Variants in CDC20B observed in about 807,000 individuals in gnomAD.
The protein encoded by CDC20B is cell division cycle protein 20 homolog B.
A neutral mutation model predicts 64.1 loss-of-function variants in CDC20B; 58 were observed. The ratio of observed to expected loss-of-function variants is 0.90; its 90% confidence interval spans 0.73 to 1.13. CDC20B has a LOEUF of 1.13. Among genes scored for constraint, CDC20B ranks in the 50% most tolerant of loss-of-function variants. The pLI, the probability that CDC20B is intolerant of heterozygous loss-of-function variation, is 0.00. For missense variants in CDC20B, 597 were observed against 633.0 expected (o/e 0.94, Z 0.61); for synonymous variants, 243 against 230.6 (o/e 1.05, Z -0.49).
intron 10 of CDC20B, 110 bp downstream of exon 10, chr5:55,120,315 T>C (rs1236735403): frequency 1.1e-5 from 14 of 1,238,088 alleles, no homozygotes; most frequent in Non-Finnish European, 1.5e-5. Context: ...AAATTCCTTA[T>C]GGACTCAATA....
At chr5:55,170,264 G>T (rs1453504708) in intron 2 of CDC20B, among the ~76,000 whole-genome samples, 1 of 152,096 alleles carries the variant, frequency 6.6e-6, no homozygotes, top group African/African-American at 2.4e-5. Context: ...CTTAAACACT[G>T]TCTACTCCGA....
chr5:55,119,715 A>C, intron 11 of CDC20B, 86 bp downstream of exon 11: 2 of 829,790 alleles, frequency 2.4e-6, no homozygotes, highest in Non-Finnish European at 4.0e-6. Context: ...AACCAGAAGG[A>C]TAAAATCTTT....
intron 2 of CDC20B, chr5:55,165,873 A>C (rs1744356267): frequency 6.6e-6 from 1 of 152,248 alleles, no homozygotes; most frequent in Non-Finnish European, 1.5e-5. Flanking sequence ...TCTAAAAGTC[A>C]ATTAACACAC....
rs539721842 is a variant in CDC20B, at chr5:55,172,653, T to C, written c.64-3A>G. 2 of 1,607,808 alleles carry C rather than the reference T, an allele frequency of 1.2e-6. No individual in the cohort carries two copies. Among genetic ancestry groups the C allele is most frequent in the Admixed American group, 1.7e-5 (1 of 59,942 alleles). ...GAGAGCACACGCATGATACTTTCCT[T>C]TGAAAACACAGATAACATATTGAGG... On this transcript the variant is annotated splice_region_variant and splice_polypyrimidine_tract_variant and intron_variant, in intron 1 of 11. Transcript: ENST00000381375.
At chr5:55,127,834 G>C (rs1356665511) in intron 7 of CDC20B, among the ~76,000 whole-genome samples, 1 of 152,104 alleles carries the variant, frequency 6.6e-6, no homozygotes, top group Non-Finnish European at 1.5e-5. Flanking sequence ...GACAACTTTG[G>C]TGTAAGAAGA....
At chr5:55,169,725 A>T (rs1744526512) in intron 2 of CDC20B, among the ~76,000 whole-genome samples, 1 of 152,218 alleles carries the variant, frequency 6.6e-6, no homozygotes, top group African/African-American at 2.4e-5. Context: ...GTTTTAGTTG[A>T]CTGACTCATC....
At chr5:55,163,225 A>G (rs1033055906) in intron 2 of CDC20B, among the ~76,000 whole-genome samples, 2 of 152,206 alleles carry the variant, frequency 1.3e-5, no homozygotes, top group Non-Finnish European at 2.9e-5. Flanking sequence ...AAGATTTATC[A>G]AAAGGATATC....
At chr5:55,116,496 T>C (rs1742629829) in intron 11 of CDC20B, among the ~76,000 whole-genome samples, 2 of 152,224 alleles carry the variant, frequency 1.3e-5, no homozygotes, top group Admixed American at 6.5e-5. Context: ...TCACCCAGAC[T>C]GGAGTGCAGT....
chr5:55,147,549 C>T (rs1327135374), intron 2 of CDC20B, among the ~76,000 whole-genome samples: 1 of 148,298 alleles, frequency 6.7e-6, no homozygotes, highest in Non-Finnish European at 1.5e-5. Flanking sequence ...TAAACTGTTA[C>T]ATTTTTATAT....
At chr5:55,164,255 C>G in intron 2 of CDC20B, 1 of 1,431,756 alleles carries the variant, frequency 7.0e-7, no homozygotes, top group Non-Finnish European at 9.3e-7. Context: ...AGAGAAATGT[C>G]TCCATGAGGG....
chr5:55,140,155 G>A (rs1035647214), intron 5 of CDC20B, among the ~76,000 whole-genome samples, 159 bp downstream of exon 5: 2 of 152,064 alleles, frequency 1.3e-5, no homozygotes, highest in Non-Finnish European at 2.9e-5. Context: ...TGGAGGTAGG[G>A]GTAGTTAGAA....
rs368793245 is a variant in CDC20B, at chr5:55,172,889, G to A, written c.63+49C>T. 1.3e-5 allele frequency: 19 copies of A among 1,515,744 alleles called. No individual in the cohort carries two copies. In the African/African-American group the frequency reaches 1.8e-4, roughly 15 times the overall value. 93.9% of individuals were successfully genotyped at this position (1,515,744 alleles called of 1,614,324 possible). On this transcript the variant is annotated intron_variant, in intron 1 of 11. Transcript: ENST00000381375. ...AACAGATATTATGAACGGGGCCTTC[G>A]GCCCCGCATTAGAGAGTTAGGGAGA... is the stretch of plus-strand genomic sequence containing the variant.
chr5:55,120,600 C>A (rs199855280), intron 9 of CDC20B, 50 bp from the exon 10 acceptor site: 1 of 1,603,846 alleles, frequency 6.2e-7, no homozygotes, highest in Non-Finnish European at 8.5e-7. Context: ...AAAGGAGGTG[C>A]ACTCATGAAT....
chr5:55,163,524 G>A (rs1580373097), intron 2 of CDC20B, among the ~76,000 whole-genome samples: 1 of 151,492 alleles, frequency 6.6e-6, no homozygotes, highest in Non-Finnish European at 1.5e-5. Flanking sequence ...AATTTTATTT[G>A]ACACAGAGTT....
chr5:55,120,118 C>T (rs1024868039), intron 10 of CDC20B, among the ~76,000 whole-genome samples, 200 bp from the exon 11 acceptor site: 27 of 151,924 alleles, frequency 1.8e-4, no homozygotes, highest in Admixed American at 6.6e-5. Flanking sequence ...GGCTTAGGTG[C>T]AATAAATTGA....
At chr5:55,146,897 G>T in intron 2 of CDC20B, 41 bp from the exon 3 acceptor site, 1 of 1,486,574 alleles carries the variant, frequency 6.7e-7, no homozygotes, top group Non-Finnish European at 9.4e-7. Flanking sequence ...ACTGGCCTCA[G>T]TGATGCAAAA....
At chr5:55,147,615 ATATGTAAAATAGATATATATTTCTTC>A (rs1743533366) in intron 2 of CDC20B, among the ~76,000 whole-genome samples, 1 of 150,958 alleles carries the variant, frequency 6.6e-6, no homozygotes, top group Non-Finnish European at 1.5e-5. Context: ...ATATTATTTT[ATATGTAAAATAGATATATATTTCTTC>A]TATCTAAAAA....
chr5:55,143,579 G>T lies in CDC20B; in HGVS notation c.420C>A (p.Leu140=). ...TTGCATGAGGTGCCTTGCAAAAATGGAGAGCAGAGTTACTTGTTTCAGAAA... is the reference window on the plus strand; with the variant it reads ...TTGCATGAGGTGCCTTGCAAAAATGTAGAGCAGAGTTACTTGTTTCAGAAA... ...KGISETSNSA[L]HFCKAPHAMD... The change falls in exon 4 of 12, where the codon CTC becomes CTA. Residue 140 remains leucine, a synonymous_variant. Transcript: ENST00000381375. 1 of 1,610,444 alleles carries T rather than the reference G, an allele frequency of 6.2e-7. No homozygotes were observed. The highest frequency in any genetic ancestry group is 1.1e-5 in the South Asian group (1 of 90,624).
chr5:55,130,873 C>T (rs1293342391), intron 6 of CDC20B, among the ~76,000 whole-genome samples: 1 of 152,192 alleles, frequency 6.6e-6, no homozygotes, highest in Admixed American at 6.5e-5. Context: ...GTAATCCCAG[C>T]ACTTTGGGAG....
Sources: allele counts gnomAD v4.1 joint callset (sites outside exome capture counted in the v4.1 genomes callset), GRCh38; gene constraint gnomAD v4.1.1; transcripts MANE v1.5; gene names NCBI Gene and HGNC (gene_info 2026-07-23, HGNC 2026-07-21).